Variants in TEC observed in about 807,000 individuals in gnomAD.
TEC encodes tec protein tyrosine kinase.
Under a neutral mutation model 93.0 loss-of-function variants are expected in TEC, and 72 were observed. The ratio of observed to expected loss-of-function variants is 0.77; its 90% confidence interval spans 0.64 to 0.94. The LOEUF is 0.94. TEC is among the 40% of genes least tolerant of loss of function. The probability of loss-of-function intolerance (pLI) is 0.00; values close to 1 mark genes in which losing one functional copy is unlikely to be tolerated. For missense variants in TEC, 630 were observed against 757.9 expected (o/e 0.83, Z 1.98); for synonymous variants, 249 against 247.7 (o/e 1.01, Z -0.05).
intron 8 of TEC, among the ~76,000 whole-genome samples, chr4:48,162,977 A>AT (rs1385652962): frequency 5.3e-5 from 8 of 152,166 alleles, no homozygotes; most frequent in African/African-American, 1.9e-4. Context: ...CAGCACATAG[A>AT]TTTTAGAGAT....
intron 2 of TEC, among the ~76,000 whole-genome samples, chr4:48,177,896 A>G (rs544504427): frequency 6.6e-6 from 1 of 152,248 alleles, no homozygotes; most frequent in East Asian, 1.9e-4. Context: ...GCCTGCCGCC[A>G]TGTAAGATGT....
At chr4:48,211,873 G>A (rs1270821354) in intron 2 of TEC, among the ~76,000 whole-genome samples, 1 of 151,908 alleles carries the variant, frequency 6.6e-6, no homozygotes, top group Non-Finnish European at 1.5e-5. Context: ...CGAGGTAGGT[G>A]GATTGTCTGA....
At chr4:48,218,999 G>C (rs1432102978) in intron 2 of TEC, among the ~76,000 whole-genome samples, 1 of 152,168 alleles carries the variant, frequency 6.6e-6, no homozygotes, top group Non-Finnish European at 1.5e-5. Flanking sequence ...AAGGCACAAA[G>C]TATTTCAGTA....
chr4:48,147,724 T>C (rs1719978392), intron 11 of TEC, among the ~76,000 whole-genome samples: 2 of 152,192 alleles, frequency 1.3e-5, no homozygotes. Flanking sequence ...TTATTTTATT[T>C]AAGAGTTAAA....
intron 15 of TEC, among the ~76,000 whole-genome samples, 162 bp from the exon 16 acceptor site, chr4:48,139,184 T>C (rs1029552266): frequency 1.3e-5 from 2 of 152,248 alleles, no homozygotes; most frequent in South Asian, 2.1e-4. Flanking sequence ...CACCTGGTGA[T>C]TTCCAACTTC....
At chr4:48,243,093 A>G (rs1723963312) in intron 1 of TEC, among the ~76,000 whole-genome samples, 2 of 152,194 alleles carry the variant, frequency 1.3e-5, no homozygotes, top group African/African-American at 4.8e-5. Context: ...ACCTTTTGAT[A>G]TATTAAAAGA....
chr4:48,215,904 T>C (rs1206729100), intron 2 of TEC, among the ~76,000 whole-genome samples: 2 of 152,116 alleles, frequency 1.3e-5, no homozygotes, highest in Non-Finnish European at 2.9e-5. Context: ...AACAACCAGC[T>C]CACTAGGTGA....
intron 9 of TEC, among the ~76,000 whole-genome samples, chr4:48,152,194 G>A (rs984364340): frequency 1.3e-5 from 2 of 152,130 alleles, no homozygotes; most frequent in Admixed American, 6.5e-5. Flanking sequence ...GGGAGGCCGA[G>A]GCAGGCAGAT....
At chr4:48,244,636 T>A (rs1724007825) in intron 1 of TEC, among the ~76,000 whole-genome samples, 1 of 152,228 alleles carries the variant, frequency 6.6e-6, no homozygotes, top group African/African-American at 2.4e-5. Context: ...TCTTCACTCA[T>A]TTTTCAACAA....
chr4:48,268,214 C>T (rs190455241), intron 1 of TEC, among the ~76,000 whole-genome samples: 1 of 152,216 alleles, frequency 6.6e-6, no homozygotes, highest in Non-Finnish European at 1.5e-5. Context: ...CATTAATATT[C>T]TATATCCTTT....
chr4:48,208,779 G>A (rs1407994843), intron 2 of TEC, among the ~76,000 whole-genome samples: 1 of 152,114 alleles, frequency 6.6e-6, no homozygotes, highest in South Asian at 2.1e-4. Flanking sequence ...AGGACAGCAG[G>A]GCATTTACCT....
chr4:48,142,928 C>G (rs185201162), intron 14 of TEC, among the ~76,000 whole-genome samples: 1 of 151,998 alleles, frequency 6.6e-6, no homozygotes, highest in African/African-American at 2.4e-5. Context: ...GTGATCCGCC[C>G]GCCTCGGCCT....
At position 48,176,118 on chromosome 4, in the gene TEC, A is replaced by G. The variant is rs1345432304; in HGVS notation, c.207T>C (p.Asp69=). 14 of 1,613,822 alleles carry G rather than the reference A, an allele frequency of 8.7e-6. No homozygotes were observed. The highest frequency in any genetic ancestry group is 1.1e-5 in the Non-Finnish European group (13 of 1,179,758). Residue 69 remains aspartate, a synonymous_variant, in exon 3 of 18, where the codon GAT becomes GAC. Transcript: ENST00000381501. ...ACTTATTTTGACAGGGAATGACACC[A>G]TCATCATTCTTCACTATTTCCACAC... ...IKCVEIVKND[D]GVIPCQNKYP...
chr4:48,179,342 A>G (rs1488728991), intron 2 of TEC, among the ~76,000 whole-genome samples: 10 of 24,268 alleles, frequency 4.1e-4, no homozygotes, highest in African/African-American at 1.6e-3. Flanking sequence ...TGGGTAGTAT[A>G]TATATATATA....
In TEC at chr4:48,149,556, C is replaced by T; in HGVS notation, c.1006+1G>A. The T allele has an allele frequency of 6.3e-7, 1 of 1,595,842 alleles. No homozygotes were observed. The highest frequency in any genetic ancestry group is 8.5e-7 in the Non-Finnish European group (1 of 1,173,658). Reference sequence around the variant, plus strand: ...GAAGTAGGTTTTCACAGCTCACTTACCTGCTGCATTGTGCTTATGATATTC... The same window carrying T: ...GAAGTAGGTTTTCACAGCTCACTTATCTGCTGCATTGTGCTTATGATATTC... On this transcript the variant is annotated splice_donor_variant, in intron 11 of 17. Transcript: ENST00000381501. LOFTEE classifies it high-confidence loss of function.
chr4:48,250,257 C>A (rs1225283105), intron 1 of TEC, among the ~76,000 whole-genome samples: 3 of 152,198 alleles, frequency 2.0e-5, no homozygotes, highest in African/African-American at 7.2e-5. Flanking sequence ...CTGATTCATT[C>A]TTTTCTCTCA....
At chr4:48,266,837 T>A (rs996839584) in intron 1 of TEC, among the ~76,000 whole-genome samples, 1 of 64,202 alleles carries the variant, frequency 1.6e-5, no homozygotes, top group African/African-American at 3.9e-5. Context: ...AAACTCTGTC[T>A]CAAAAAAAAA....
chr4:48,170,338 G>T lies in TEC; in HGVS notation c.364C>A (p.Pro122Thr). 1 of 1,476,372 alleles carries T rather than the reference G, an allele frequency of 6.8e-7. No homozygotes were observed. The highest frequency in any genetic ancestry group is 1.7e-5 in the Admixed American group (1 of 59,276). 91.5% of individuals were successfully genotyped at this position (1,476,372 alleles called of 1,614,324 possible). Residue 122 changes from proline to threonine, a missense_variant, in exon 5 of 18, where the codon CCT becomes ACT. Around this residue, in one of 3 missense-constraint regions of TEC, gnomAD observed 335 missense variants for 351.5 expected, o/e 0.95. Coordinates refer to ENST00000381501, the MANE Select transcript of TEC (RefSeq NM_003215.3). ...TAACTTCCATCTGTCCAGAATTTAGGATGATATTTAATCATAATATTATTG... is the reference window on the plus strand; with the variant it reads ...TAACTTCCATCTGTCCAGAATTTAGTATGATATTTAATCATAATATTATTG... The part of the protein sequence containing the change: ...NNNNIMIKYH[P>T]KFWTDGSYQC...
intron 8 of TEC, among the ~76,000 whole-genome samples, chr4:48,158,521 C>T (rs1354177980): frequency 2.0e-5 from 3 of 152,036 alleles, no homozygotes; most frequent in East Asian, 3.9e-4. Context: ...TTGTCAAGTG[C>T]CAAAAACATT....
Sources: allele counts gnomAD v4.1 joint callset (sites outside exome capture counted in the v4.1 genomes callset), GRCh38; gene constraint gnomAD v4.1.1; regional missense constraint gnomAD v4.1.1; transcripts MANE v1.5; gene names NCBI Gene and HGNC (gene_info 2026-07-23, HGNC 2026-07-21).